REV1: variants seen among roughly 807,000 people sequenced by gnomAD.
The protein encoded by REV1 is REV1 DNA directed polymerase.
Under a neutral mutation model 137.4 loss-of-function variants are expected in REV1, and 42 were observed. That is an observed-to-expected ratio of 0.31 (90% CI 0.24 to 0.40). The LOEUF (loss-of-function observed/expected upper bound fraction) is 0.40. REV1 is among the 10% of genes least tolerant of loss of function. The pLI, the probability that REV1 is intolerant of heterozygous loss-of-function variation, is 1.00. For missense variants in REV1, 1,282 were observed against 1,490.1 expected (o/e 0.86, Z 2.30); for synonymous variants, 524 against 519.2 (o/e 1.01, Z -0.12).
intron 12 of REV1, among the ~76,000 whole-genome samples, chr2:99,414,457 A>T (rs1419547300): frequency 7.0e-5 from 10 of 142,206 alleles, no homozygotes; most frequent in East Asian, 2.0e-4. Context: ...TTAACAATTT[A>T]AAAAAAAAAA....
At position 99,438,756 on chromosome 2, in the gene REV1, T is replaced by C. The variant is rs754921264; in HGVS notation, c.1058A>G (p.Tyr353Cys). 6.8e-6 allele frequency: 11 copies of C among 1,614,116 alleles called. No homozygotes were observed. The highest frequency in any genetic ancestry group is 5.0e-5 in the Admixed American group (3 of 60,014). ...PSDCNFISNF[Y>C]SHSRLHHISM... ...TATGTGATGCAGTCTTGAATGAGAA[T>C]AGAAGTTTGAAATAAAATTGCAGTC... Residue 353 changes from tyrosine (Y) to cysteine (C), a missense_variant, in exon 6 of 23, where the codon TAT becomes TGT. Coordinates refer to ENST00000258428, the MANE Select transcript of REV1 (RefSeq NM_016316.4).
intron 8 of REV1, among the ~76,000 whole-genome samples, chr2:99,432,844 G>A (rs1160085369): frequency 1.3e-5 from 2 of 152,324 alleles, no homozygotes; most frequent in South Asian, 2.1e-4. Flanking sequence ...TGACAGTACT[G>A]TGTTAATAAG....
intron 1 of REV1, among the ~76,000 whole-genome samples, chr2:99,469,401 G>A (rs1371878268): frequency 1.3e-5 from 2 of 152,152 alleles, no homozygotes; most frequent in East Asian, 3.9e-4. Context: ...ACCCTCGAAA[G>A]GTTCACAAGC....
intron 1 of REV1, among the ~76,000 whole-genome samples, chr2:99,479,998 T>C (rs187397171): frequency 2.4e-4 from 37 of 152,082 alleles, no homozygotes; most frequent in African/African-American, 8.9e-4. Context: ...AAGGCAAAGA[T>C]TTCAGGAAGA....
chr2:99,485,709 A>C (rs1252788321), intron 1 of REV1, among the ~76,000 whole-genome samples: 2 of 152,236 alleles, frequency 1.3e-5, no homozygotes, highest in Non-Finnish European at 1.5e-5. Context: ...ACCAGTCACC[A>C]TTCTCAACAG....
chr2:99,474,826 C>T (rs534143872), intron 1 of REV1, among the ~76,000 whole-genome samples: 5 of 151,776 alleles, frequency 3.3e-5, no homozygotes, highest in African/African-American at 4.8e-5. Flanking sequence ...CACTTGAACG[C>T]GGTAGGCAGA....
chr2:99,452,727 T>C (rs757639483), intron 3 of REV1, among the ~76,000 whole-genome samples: 3 of 152,212 alleles, frequency 2.0e-5, no homozygotes, highest in Non-Finnish European at 2.9e-5. Context: ...TTCATTAACA[T>C]CCTCAATGCA....
intron 4 of REV1, 66 bp downstream of exon 4, chr2:99,449,270 A>T (rs1289279010): frequency 1.9e-6 from 2 of 1,041,216 alleles, no homozygotes; most frequent in African/African-American, 3.4e-5. Flanking sequence ...ATCTCAAAAA[A>T]ATAAATAAAT....
intron 9 of REV1, among the ~76,000 whole-genome samples, chr2:99,429,331 G>C (rs1575071256): frequency 6.6e-6 from 1 of 152,072 alleles, no homozygotes; most frequent in African/African-American, 2.4e-5. Context: ...CAAAAAGTTG[G>C]TGCTAACAAG....
At chr2:99,460,933 C>T (rs907933009) in intron 3 of REV1, among the ~76,000 whole-genome samples, 15 of 152,176 alleles carry the variant, frequency 9.9e-5, no homozygotes, top group Admixed American at 9.8e-4. Context: ...TTCCCTCACA[C>T]AAAGAATCTC....
intron 9 of REV1, among the ~76,000 whole-genome samples, chr2:99,426,043 AG>A (rs1390604042): frequency 1.3e-5 from 2 of 150,344 alleles, no homozygotes; most frequent in Non-Finnish European, 3.0e-5. Flanking sequence ...TCTCAAAAAA[AG>A]AAACCCAAAT....
In REV1 at chr2:99,438,976, G is replaced by C. The variant is rs765517314; in HGVS notation, c.838C>G (p.Gln280Glu). Residue 280 changes from glutamine (Q) to glutamate (E), a missense_variant, in exon 6 of 23, where the codon CAG becomes GAG. Coordinates refer to ENST00000258428, the MANE Select transcript of REV1 (RefSeq NM_016316.4). ...GCATCTGTGTTTCTGGTGCTTTGCTGCAACTGCTGCAGAGTGCAGTCTCTG... is the reference window on the plus strand; with the variant it reads ...GCATCTGTGTTTCTGGTGCTTTGCTCCAACTGCTGCAGAGTGCAGTCTCTG... Reference protein sequence around the residue: ...DFRDCTLQQLQQSTRNTDALR... With the variant: ...DFRDCTLQQLEQSTRNTDALR... The C allele has an allele frequency of 1.7e-5, 28 of 1,614,072 alleles. No homozygotes were observed. The East Asian group carries it at 5.6e-4, about 32-fold the overall frequency.
chr2:99,459,858 T>C (rs1159850887), intron 3 of REV1, among the ~76,000 whole-genome samples: 1 of 152,240 alleles, frequency 6.6e-6, no homozygotes, highest in Non-Finnish European at 1.5e-5. Context: ...AGTTCAATGT[T>C]AACTGGGTTG....
rs200256755 is a variant in REV1, at chr2:99,449,291, C to T, written c.350+45G>A. 18 of 1,183,188 alleles carry T rather than the reference C, an allele frequency of 1.5e-5. No homozygotes were observed. In the Admixed American group the frequency reaches 5.3e-4, roughly 35 times the overall value. 73.3% of individuals were successfully genotyped at this position (1,183,188 alleles called of 1,614,324 possible). A position where few individuals can be genotyped will look rare whatever the true frequency, so the allele number is the denominator to read the frequency against. On this transcript the variant is annotated intron_variant, in intron 4 of 22. Transcript: ENST00000258428. ...AAAAAATAAATAAATAAAAAGTATT[C>T]TAACTTTAAAAATTTATTAATTAAA...
chr2:99,404,905 A>G (rs1676063541), intron 17 of REV1, among the ~76,000 whole-genome samples: 1 of 152,196 alleles, frequency 6.6e-6, no homozygotes, highest in South Asian at 2.1e-4. Context: ...AGAAGTGTAT[A>G]TATACTACCA....
chr2:99,473,546 G>A (rs1263538483), intron 1 of REV1, among the ~76,000 whole-genome samples: 1 of 152,102 alleles, frequency 6.6e-6, no homozygotes, highest in Non-Finnish European at 1.5e-5. Flanking sequence ...TGTCTTTCAT[G>A]TATTTAAGAT....
chr2:99,444,857 C>T (rs1681986680), intron 4 of REV1, among the ~76,000 whole-genome samples: 1 of 152,064 alleles, frequency 6.6e-6, no homozygotes, highest in Non-Finnish European at 1.5e-5. Context: ...CCCTCTTGTT[C>T]TAAGCGCAAA....
At chr2:99,431,847 A>C (rs1041181480) in intron 8 of REV1, 2 of 985,454 alleles carry the variant, frequency 2.0e-6, no homozygotes, top group Non-Finnish European at 2.4e-6. Context: ...CTGGAGGGCA[A>C]AGTAGAGAAC....
At position 99,435,858 on chromosome 2, in the gene REV1, T is replaced by C; in HGVS notation, c.1297A>G (p.Ile433Val). ...DMDCFFVSVGIRNRPDLKGKP... is the reference protein window; with the variant it reads ...DMDCFFVSVGVRNRPDLKGKP... ...CCTTTGAGATCTGGTCTATTTCGTA[T>C]ACCCACTGATACAAAGAAGCAATCC... The change falls in exon 7 of 23, where the codon ATA (isoleucine) becomes GTA (valine). Residue 433 changes from isoleucine (I) to valine (V), a missense_variant. By Grantham distance (29) the Ile-to-Val change is conservative (BLOSUM62 3). This residue lies in a region of REV1 where 432 missense variants were observed against 438.0 expected (regional missense o/e 0.99). Transcript: ENST00000258428. 1 of 1,597,038 alleles carries C rather than the reference T, an allele frequency of 6.3e-7. No homozygotes were observed. The highest frequency in any genetic ancestry group is 1.1e-5 in the South Asian group (1 of 90,240).
Sources: allele counts gnomAD v4.1 joint callset (sites outside exome capture counted in the v4.1 genomes callset), GRCh38; gene constraint gnomAD v4.1.1; regional missense constraint gnomAD v4.1.1; transcripts MANE v1.5; gene names NCBI Gene and HGNC (gene_info 2026-07-23, HGNC 2026-07-21).